Variants in WWC1 observed in about 807,000 individuals in gnomAD.
WWC1 encodes the protein protein KIBRA.
A neutral mutation model predicts 138.4 loss-of-function variants in WWC1; 55 were observed. The observed-to-expected ratio is 0.40, with a 90% CI of 0.32 to 0.50. The LOEUF (loss-of-function observed/expected upper bound fraction) is 0.50, where lower values mean the gene tolerates loss of function less well. Ranked by LOEUF, WWC1 falls within the 20% of genes least tolerant of loss-of-function variation. The probability of loss-of-function intolerance (pLI) is 0.72; values close to 1 mark genes in which losing one functional copy is unlikely to be tolerated. For synonymous variants in WWC1, 524 were observed against 564.9 expected, an observed-to-expected ratio of 0.93 and a Z score of 1.03; for missense variants, 1,226 against 1,420.4, an observed-to-expected ratio of 0.86 and a Z score of 2.20.
intron 1 of WWC1, among the ~76,000 whole-genome samples, chr5:168,345,923 G>A (rs923230179): frequency 4.6e-5 from 7 of 152,134 alleles, no homozygotes; most frequent in African/African-American, 1.2e-4. Flanking sequence ...TGTACAATCT[G>A]TGTGACCCTT....
At chr5:168,446,385 TATTTA>T (rs1384763893) in intron 17 of WWC1, among the ~76,000 whole-genome samples, 1 of 152,186 alleles carries the variant, frequency 6.6e-6, no homozygotes, top group Non-Finnish European at 1.5e-5. Context: ...GATTCAGTGT[TATTTA>T]ATTCCTTGTA....
intron 19 of WWC1, among the ~76,000 whole-genome samples, chr5:168,458,847 A>G (rs998190332): frequency 6.6e-6 from 1 of 152,228 alleles, no homozygotes; most frequent in African/African-American, 2.4e-5. Flanking sequence ...TTTCTTTTAT[A>G]TAACATAGTC....
rs182481396 is a variant in WWC1 at position 168,307,639 on chromosome 5, C to T, written c.119+15368C>T. Among the ~76,000 whole-genome samples the T allele has an allele frequency of 4.3e-5, 6 of 139,754 alleles. No homozygotes were observed. In the East Asian group the frequency reaches 1.1e-3, roughly 25 times the overall value. 91.7% of individuals were successfully genotyped at this position (139,754 alleles called of 152,430 possible). A position where few individuals can be genotyped will look rare whatever the true frequency, so the allele number is the denominator to read the frequency against. On this transcript the variant is annotated intron_variant, in intron 1 of 22. Transcript: ENST00000265293. ...TTTTAAATTGAGACAGAGTCTCGCT[C>T]TGTTGTTCAGGCTGGAGTGCAGTGG... is the stretch of plus-strand genomic sequence containing the variant.
chr5:168,316,190 A>G (rs1030011338), intron 1 of WWC1, among the ~76,000 whole-genome samples: 1 of 152,126 alleles, frequency 6.6e-6, no homozygotes, highest in Non-Finnish European at 1.5e-5. Flanking sequence ...CGCAATTGCT[A>G]TTTGCCAAAC....
chr5:168,315,841 C>T (rs1017773090), intron 1 of WWC1, among the ~76,000 whole-genome samples: 3 of 152,116 alleles, frequency 2.0e-5, no homozygotes, highest in Admixed American at 6.5e-5. Context: ...GGCCAGAGGG[C>T]GAGCATCAGA....
intron 1 of WWC1, among the ~76,000 whole-genome samples, chr5:168,354,410 G>C (rs1029601656): frequency 6.6e-6 from 1 of 152,026 alleles, no homozygotes; most frequent in African/African-American, 2.4e-5. Context: ...ATTAAATCAG[G>C]GGCTCATTGT....
chr5:168,434,549 A>G (rs1561761396), intron 15 of WWC1, among the ~76,000 whole-genome samples: 1 of 152,148 alleles, frequency 6.6e-6, no homozygotes, highest in Non-Finnish European at 1.5e-5. Context: ...AAGATAAGGG[A>G]TCAAGGCCCA....
At chr5:168,312,701 G>C (rs1349244282) in intron 1 of WWC1, among the ~76,000 whole-genome samples, 2 of 152,124 alleles carry the variant, frequency 1.3e-5, no homozygotes, top group African/African-American at 4.8e-5. Flanking sequence ...AAATATCACA[G>C]AGCCAGCCTT....
chr5:168,404,890 T>C (rs1407257912), intron 5 of WWC1, among the ~76,000 whole-genome samples: 2 of 135,326 alleles, frequency 1.5e-5, no homozygotes, highest in East Asian at 3.9e-4. Context: ...CAGGACACTT[T>C]TTTTTTTTTT....
chr5:168,350,194 G>A (rs181876262), intron 1 of WWC1, among the ~76,000 whole-genome samples: 13 of 152,212 alleles, frequency 8.5e-5, no homozygotes, highest in East Asian at 1.9e-4. Flanking sequence ...TATCGGCTTC[G>A]TTCTCAGTTT....
At chr5:168,398,062 C>T (rs1779040227) in intron 4 of WWC1, among the ~76,000 whole-genome samples, 1 of 151,752 alleles carries the variant, frequency 6.6e-6, no homozygotes, top group South Asian at 2.1e-4. Flanking sequence ...GAAGTAACTA[C>T]CGTCATCTGC....
In WWC1 at chr5:168,470,754, C is replaced by G. The variant is rs541017436; in HGVS notation, c.*1737C>G. 7 of 151,806 alleles carry G rather than the reference C, an allele frequency of 4.6e-5. No homozygotes were observed. The highest frequency in any genetic ancestry group is 1.7e-4 in the African/African-American group (7 of 41,248). 9.4% of individuals were successfully genotyped at this position (151,806 alleles called of 1,614,324 possible). On this transcript the variant is annotated 3_prime_UTR_variant, in exon 23 of 23. Coordinates refer to ENST00000265293, the MANE Select transcript of WWC1 (RefSeq NM_015238.3). Reference sequence around the variant, plus strand: ...GTGGCCAAGGCTTGAACCCAGGAGGCGGAGGTTGCGGTGAGCCGAGATGGC... The same window carrying G: ...GTGGCCAAGGCTTGAACCCAGGAGGGGGAGGTTGCGGTGAGCCGAGATGGC...
At chr5:168,342,451 G>A (rs1774112673) in intron 1 of WWC1, among the ~76,000 whole-genome samples, 1 of 152,184 alleles carries the variant, frequency 6.6e-6, no homozygotes, top group Non-Finnish European at 1.5e-5. Flanking sequence ...CTGCCTCCTG[G>A]AAGCTCACAG....
chr5:168,342,479 G>A (rs1440048722), intron 1 of WWC1, among the ~76,000 whole-genome samples: 1 of 152,210 alleles, frequency 6.6e-6, no homozygotes, highest in Non-Finnish European at 1.5e-5. Flanking sequence ...AGTGATACAT[G>A]TATAGAAGTT....
chr5:168,446,386 AT>A (rs1448517928), intron 17 of WWC1, among the ~76,000 whole-genome samples: 5 of 152,158 alleles, frequency 3.3e-5, no homozygotes, highest in Non-Finnish European at 2.9e-5. Context: ...ATTCAGTGTT[AT>A]TTAATTCCTT....
rs527600843 is a variant in WWC1 at position 168,370,321 on chromosome 5, TA to T, written c.120-1102del. ...AAGGAATTTAAAAGGTGATGATCCA[TA>T]TGCAGCAGCAGGGGAGCTGTTGGGA... On this transcript the variant is annotated intron_variant, in intron 1 of 22. Coordinates refer to ENST00000265293, the MANE Select transcript of WWC1 (RefSeq NM_015238.3). Among the ~76,000 whole-genome samples, 742 of 152,336 alleles carry T rather than the reference TA, an allele frequency of 4.9e-3. 3 individuals are homozygous for T. Among genetic ancestry groups the T allele is most frequent in the South Asian group, 0.011 (53 of 4,824 alleles).
intron 6 of WWC1, among the ~76,000 whole-genome samples, chr5:168,408,099 C>T (rs935817757): frequency 7.3e-5 from 11 of 149,804 alleles, no homozygotes; most frequent in African/African-American, 2.7e-4. Flanking sequence ...AATTCCTGGC[C>T]TCAAGTGATC....
chr5:168,359,789 C>T (rs998240359), intron 1 of WWC1, among the ~76,000 whole-genome samples: 2 of 152,144 alleles, frequency 1.3e-5, no homozygotes, highest in Non-Finnish European at 2.9e-5. Context: ...TCTTCCCATT[C>T]AGAATCCAGT....
Position 168,428,728 on chromosome 5 carries a change from T to G in WWC1, c.1941T>G (p.Ala647=), listed in dbSNP as rs775426879. 1.0e-4 allele frequency: 161 copies of G among 1,613,922 alleles called. No homozygotes were observed. Among genetic ancestry groups the G allele is most frequent in the Non-Finnish European group, 1.3e-4 (150 of 1,179,940 alleles). Residue 647 remains alanine (A), a synonymous_variant, in exon 13 of 23, where the codon GCT becomes GCG. Coordinates refer to ENST00000265293, the MANE Select transcript of WWC1 (RefSeq NM_015238.3). ...TCAGACTGGGTGCTTCAGAAGCTGC[T>G]GCATTTGACAGTGACGAATCGGAAG... The part of the protein sequence containing the change: ...SVQRLGASEA[A]AFDSDESEAV...
Sources: gnomAD v4.1 joint callset for allele counts (sites outside exome capture counted in the v4.1 genomes callset) on GRCh38, gnomAD v4.1.1 for gene constraint, MANE v1.5 for transcripts, NCBI Gene and HGNC (gene_info 2026-07-23, HGNC 2026-07-21) for gene names.